APBB3: variants seen among roughly 807,000 people sequenced by gnomAD.
APBB3 encodes the protein amyloid-beta A4 precursor protein-binding family B member 3.
A neutral mutation model predicts 61.5 loss-of-function variants in APBB3; 50 were observed. The observed-to-expected ratio is 0.81, with a 90% CI of 0.65 to 1.03. The LOEUF is 1.03. Among genes scored for constraint, APBB3 ranks in the 50% least tolerant of loss-of-function variants. The probability of loss-of-function intolerance (pLI) is 0.00; values close to 1 mark genes in which losing one functional copy is unlikely to be tolerated. For missense variants in APBB3, 550 were observed against 637.4 expected, an observed-to-expected ratio of 0.86 and a Z score of 1.48; for synonymous variants, 235 against 233.0, an observed-to-expected ratio of 1.01 and a Z score of -0.08.
At chr5:140,563,996 T>A in intron 1 of APBB3, 81 bp from the exon 2 acceptor site, 2 of 1,546,220 alleles carry the variant, frequency 1.3e-6, no homozygotes, top group Non-Finnish European at 1.8e-6. Flanking sequence ...CCCCTCTCCA[T>A]CCCCAAAATG....
At chr5:140,563,410 T>C (rs1371871590) in intron 3 of APBB3, 184 bp downstream of exon 3, 1 of 688,714 alleles carries the variant, frequency 1.5e-6, no homozygotes, top group Admixed American at 2.8e-5. Flanking sequence ...AACAAGAGCT[T>C]AGAACAAGGG....
intron 7 of APBB3, 48 bp from the exon 8 acceptor site, chr5:140,561,749 G>A (rs1341129961): frequency 3.7e-6 from 6 of 1,614,084 alleles, no homozygotes; most frequent in Admixed American, 1.7e-5. Flanking sequence ...TTAGAGGCAG[G>A]AGCCTGCAGG....
At position 140,560,267 on chromosome 5, in the gene APBB3, G is replaced by C; in HGVS notation, c.1224+46C>G. The C allele has an allele frequency of 1.3e-6, 2 of 1,586,322 alleles. No individual in the cohort carries two copies. The highest frequency in any genetic ancestry group is 1.7e-6 in the Non-Finnish European group (2 of 1,160,144). On this transcript the variant is annotated intron_variant, in intron 12 of 12. Transcript: ENST00000357560. This position sits in a 1 kb window ranked among gnomAD's most constrained non-coding sequence, Gnocchi z 5.1. ...CCGGAGCCCAAGTAAACAGTGGAGAGCAGCTGCAGGGCAATCCCACCAACC... is the reference window on the plus strand; with the variant it reads ...CCGGAGCCCAAGTAAACAGTGGAGACCAGCTGCAGGGCAATCCCACCAACC...
At position 140,560,175 on chromosome 5, in the gene APBB3, C is replaced by CA. The variant is rs1200352972; in HGVS notation, c.1224+137dup. On this transcript the variant is annotated intron_variant, in intron 12 of 12. Transcript: ENST00000357560. The surrounding 1 kb of genome is among the most constrained non-coding windows in gnomAD (Gnocchi z 5.1). ...ACTAATTAAAACTTACTAAAAACAA[C>CA]ATGAGGGCCAAAACATTAATGAACC... The CA allele has an allele frequency of 1.1e-6, 1 of 929,844 alleles. No individual in the cohort carries two copies. Among genetic ancestry groups the CA allele is most frequent in the Non-Finnish European group, 1.6e-6 (1 of 627,922 alleles). 57.6% of individuals were successfully genotyped at this position (929,844 alleles called of 1,614,324 possible).
intron 5 of APBB3, 21 bp from the exon 6 acceptor site, chr5:140,562,248 C>T: frequency 6.2e-7 from 1 of 1,613,776 alleles, no homozygotes; most frequent in East Asian, 2.2e-5. Context: ...CAGAGGTCAG[C>T]CCAGAGCTCA....
chr5:140,558,475 G>A lies in APBB3; in HGVS notation c.*110C>T, dbSNP rs1379576535. The A allele has an allele frequency of 2.6e-5, 27 of 1,052,106 alleles. No individual in the cohort carries two copies. The highest frequency in any genetic ancestry group is 3.8e-5 in the South Asian group (3 of 78,000). 65.2% of individuals were successfully genotyped at this position (1,052,106 alleles called of 1,614,324 possible). A position where few individuals can be genotyped will look rare whatever the true frequency, so the allele number is the denominator to read the frequency against. On this transcript the variant is annotated 3_prime_UTR_variant, in exon 13 of 13. Coordinates refer to ENST00000357560, the MANE Select transcript of APBB3 (RefSeq NM_133173.3). ...ATAGACGGTGGACAAGGATCGGAGG[G>A]ACAGGCAGAGAAGGCTTCAAGGAGT...
intron 6 of APBB3, 100 bp from the exon 7 acceptor site, chr5:140,561,949 G>C: frequency 6.2e-7 from 1 of 1,611,624 alleles, no homozygotes; most frequent in Non-Finnish European, 8.5e-7. Context: ...TCCCCAACCA[G>C]GGCTGGACCA....
In APBB3 at chr5:140,558,441, G is replaced by A; in HGVS notation, c.*144C>T. On this transcript the variant is annotated 3_prime_UTR_variant, in exon 13 of 13. Transcript: ENST00000357560. ...CAGTCATCCGTATAAACAATAAATT[G>A]GGCAATAAATAGACGGTGGACAAGG... 1.2e-6 allele frequency: 1 copy of A among 864,200 alleles called. No homozygotes were observed. Among genetic ancestry groups the A allele is most frequent in the Admixed American group, 1.9e-5 (1 of 51,594 alleles). 53.5% of individuals were successfully genotyped at this position (864,200 alleles called of 1,614,324 possible).
At position 140,558,613 on chromosome 5, in the gene APBB3, A is replaced by G; in HGVS notation, c.1433T>C (p.Leu478Pro). The change falls in exon 13 of 13, where the codon CTG (leucine) becomes CCG (proline). Residue 478 changes from leucine to proline, a missense_variant. Around this residue, in one of 3 missense-constraint regions of APBB3, gnomAD observed 138 missense variants for 132.6 expected, o/e 1.04. Coordinates refer to ENST00000357560, the MANE Select transcript of APBB3 (RefSeq NM_133173.3). ...GGGCATATGGAGCAGAGAGGGTTTC[A>G]GCCGGAAGGCATCAAGAAAAGAGAA... ...GVFSFLDAFR[L>P]KPSLLHMP 6.2e-7 allele frequency: 1 copy of G among 1,614,202 alleles called. No individual in the cohort carries two copies. Among genetic ancestry groups the G allele is most frequent in the African/African-American group, 1.3e-5 (1 of 75,066 alleles).
rs143886409 is a variant in APBB3 at position 140,560,940 on chromosome 5, A to G, written c.916+78T>C. 73 of 1,525,472 alleles carry G rather than the reference A, an allele frequency of 4.8e-5. No individual in the cohort carries two copies. Among genetic ancestry groups the G allele is most frequent in the Middle Eastern group, 1.8e-4 (1 of 5,572 alleles). The allele number at this position is 1,525,472 out of a possible 1,614,324, so 94.5% of individuals were successfully genotyped here. ...ACAAGGCCACGGGAGGACTCTTGAG[A>G]AATGATAACAGGCCTCACCTCACTC... On this transcript the variant is annotated intron_variant, in intron 10 of 12. Coordinates refer to ENST00000357560, the MANE Select transcript of APBB3 (RefSeq NM_133173.3). The surrounding 1 kb of genome is among the most constrained non-coding windows in gnomAD (Gnocchi z 5.1).
Position 140,560,769 on chromosome 5 carries a change from C to T in APBB3, c.917-15G>A, listed in dbSNP as rs1377858862. 1 of 1,607,292 alleles carries T rather than the reference C, an allele frequency of 6.2e-7. No homozygotes were observed. Among genetic ancestry groups the T allele is most frequent in the Admixed American group, 1.7e-5 (1 of 59,982 alleles). ...CACATCCATGCCTGGGGGAACATAC[C>T]CAGCGTGTCTCCCAGTGTAAAAGAA... On this transcript the variant is annotated splice_polypyrimidine_tract_variant and intron_variant, in intron 10 of 12. Transcript: ENST00000357560. This position sits in a 1 kb window ranked among gnomAD's most constrained non-coding sequence, Gnocchi z 5.1.
chr5:140,558,881 T>C, intron 12 of APBB3, 60 bp from the exon 13 acceptor site: 1 of 1,487,228 alleles, frequency 6.7e-7, no homozygotes, highest in Non-Finnish European at 9.4e-7. Context: ...CCCTGAAAGC[T>C]TCTGCAGGAC....
rs763780548 is a variant in APBB3 at position 140,560,632 on chromosome 5, C to T, written c.1032+7G>A. ...CCAAAGCCCCCAACTTCACCCTCTT[C>T]TGGTACCTGAATGGGGTGTGCAGTC... On this transcript the variant is annotated splice_region_variant and intron_variant, in intron 11 of 12. Coordinates refer to ENST00000357560, the MANE Select transcript of APBB3 (RefSeq NM_133173.3). This position sits in a 1 kb window ranked among gnomAD's most constrained non-coding sequence, Gnocchi z 5.1. 127 of 1,613,834 alleles carry T rather than the reference C, an allele frequency of 7.9e-5. 1 individual carries two copies. In the Admixed American group the frequency reaches 2.1e-3, roughly 26 times the overall value.
rs1341808107 is a variant in APBB3 at position 140,560,670 on chromosome 5, G to C, written c.1001C>G (p.Ser334Cys). The change falls in exon 11 of 13, where the codon TCT becomes TGT. Residue 334 changes from serine to cysteine, a missense_variant. Transcript: ENST00000357560. This position sits in a 1 kb window ranked among gnomAD's most constrained non-coding sequence, Gnocchi z 5.1. ...NAWVPTMLSV[S>C]DSLMTAHPIQ... ...GGGGTGTGCAGTCATGAGAGAGTCA[G>C]ACACACTGAGCATGGTGGGGACCCA... 6.2e-7 allele frequency: 1 copy of C among 1,614,178 alleles called. No homozygotes were observed. Among genetic ancestry groups the C allele is most frequent in the Admixed American group, 1.7e-5 (1 of 60,026 alleles).
intron 5 of APBB3, 57 bp downstream of exon 5, chr5:140,562,296 G>A (rs1027965684): frequency 6.2e-7 from 1 of 1,611,138 alleles, no homozygotes; most frequent in African/African-American, 1.3e-5. Flanking sequence ...GAAATTCAGG[G>A]ACAGCTACCT....
In APBB3 at chr5:140,560,581, ACC is replaced by A; in HGVS notation, c.1032+56_1032+57del. 1.2e-6 allele frequency: 2 copies of A among 1,607,362 alleles called. No individual in the cohort carries two copies. The highest frequency in any genetic ancestry group is 8.5e-7 in the Non-Finnish European group (1 of 1,174,900). On this transcript the variant is annotated intron_variant, in intron 11 of 12. Coordinates refer to ENST00000357560, the MANE Select transcript of APBB3 (RefSeq NM_133173.3). The surrounding 1 kb of genome is among the most constrained non-coding windows in gnomAD (Gnocchi z 5.1). ...TTAACTTTTCCGACAGCAAGCAGTGACCCCTCAGCATCCCTGCTCACCCCTCC... is the reference window on the plus strand; with the variant it reads ...TTAACTTTTCCGACAGCAAGCAGTGACCTCAGCATCCCTGCTCACCCCTCC...
Position 140,563,668 on chromosome 5 carries a change from TC to T in APBB3, c.215del (p.Gly72GlufsTer56). 6.2e-7 allele frequency: 1 copy of T among 1,614,150 alleles called. No homozygotes were observed. Among genetic ancestry groups the T allele is most frequent in the Non-Finnish European group, 8.5e-7 (1 of 1,180,020 alleles). On this transcript the variant is annotated frameshift_variant and splice_region_variant, in exon 3 of 13. Coordinates refer to ENST00000357560, the MANE Select transcript of APBB3 (RefSeq NM_133173.3). LOFTEE classifies it high-confidence loss of function. ...GCCGCAGTCCCCAGATCCCCTCCGTTCCCTGTAGAGTGGGAGTTAGTCAGTT... is the reference window on the plus strand; with the variant it reads ...GCCGCAGTCCCCAGATCCCCTCCGTTCCTGTAGAGTGGGAGTTAGTCAGTT... ...ELGDAEDPGT[G>X]TEGIWGLRPP...
At position 140,563,777 on chromosome 5, in the gene APBB3, A is replaced by G. The variant is rs1479553238; in HGVS notation, c.188T>C (p.Leu63Pro). The change falls in exon 2 of 13, where the codon CTA becomes CCA. Residue 63 changes from leucine (L) to proline (P), a missense_variant. By Grantham distance (98) the Leu-to-Pro change is moderately conservative. Transcript: ENST00000357560. Reference sequence around the variant, plus strand: ...CGTGCCTGGGTCCTCTGCATCTCCTAGTTCCCAGGTTGGGCGCTGCCACTG... The same window carrying G: ...CGTGCCTGGGTCCTCTGCATCTCCTGGTTCCCAGGTTGGGCGCTGCCACTG... Reference protein sequence around the residue: ...STQWQRPTWELGDAEDPGTGT... With the variant: ...STQWQRPTWEPGDAEDPGTGT... 3 of 1,613,974 alleles carry G rather than the reference A, an allele frequency of 1.9e-6. No individual in the cohort carries two copies. The highest frequency in any genetic ancestry group is 2.2e-5 in the East Asian group (1 of 44,878).
chr5:140,563,900 T>TC lies in APBB3; in HGVS notation c.64dup (p.Asp22GlyfsTer32). 6.2e-6 allele frequency: 10 copies of TC among 1,613,680 alleles called. No individual in the cohort carries two copies. The highest frequency in any genetic ancestry group is 2.2e-5 in the East Asian group (1 of 44,872). On this transcript the variant is annotated frameshift_variant, in exon 2 of 13. Transcript: ENST00000357560. LOFTEE classifies it high-confidence loss of function. ...GCCAGCCTCCACCTCCAGACTGTGGTCCCCCCACAAGTCATCTACAGGAAC... is the reference window on the plus strand; with the variant it reads ...GCCAGCCTCCACCTCCAGACTGTGGTCCCCCCCACAAGTCATCTACAGGAAC...
Sources: allele counts gnomAD v4.1 joint callset, GRCh38; gene constraint gnomAD v4.1.1; regional missense constraint gnomAD v4.1.1; non-coding constraint Gnocchi (gnomAD v3.1); transcripts MANE v1.5; gene names NCBI Gene and HGNC (gene_info 2026-07-23, HGNC 2026-07-21).